The following FAM13B variants were observed in gnomAD, a reference collection of about 807,000 sequenced individuals.
The protein encoded by FAM13B is family with sequence similarity 13 member B, also known as protein FAM13B.
In FAM13B, 60 loss-of-function variants were observed where a neutral mutation model predicts 117.3. The ratio of observed to expected loss-of-function variants is 0.51; its 90% confidence interval spans 0.42 to 0.63. The LOEUF (loss-of-function observed/expected upper bound fraction) is 0.63, where lower values mean the gene tolerates loss of function less well. FAM13B is among the 30% of genes least tolerant of loss of function. The pLI is 0.00. For missense variants in FAM13B, 972 were observed against 1,091.9 expected (o/e 0.89, Z 1.55); for synonymous variants, 332 against 356.1 (o/e 0.93, Z 0.76).
Position 137,943,128 on chromosome 5 carries a change from A to G in FAM13B, c.2424+5T>C. On this transcript the variant is annotated splice_donor_5th_base_variant and intron_variant, in intron 21 of 23. Coordinates refer to ENST00000689681, the MANE Select transcript of FAM13B (RefSeq NM_001385994.1). Reference sequence around the variant, plus strand: ...GATCAGATAATTATTTCTTTAAAGGATTACCTTGATTTCTTCAAAAAAATG... The same window carrying G: ...GATCAGATAATTATTTCTTTAAAGGGTTACCTTGATTTCTTCAAAAAAATG... 1 of 1,613,868 alleles carries G rather than the reference A, an allele frequency of 6.2e-7. No individual in the cohort carries two copies. The highest frequency in any genetic ancestry group is 1.7e-5 in the Admixed American group (1 of 59,994).
chr5:138,007,291 GTAAC>G (rs1321119593), intron 6 of FAM13B, 144 bp from the exon 7 acceptor site: 6 of 601,450 alleles, frequency 1.0e-5, no homozygotes, highest in Admixed American at 3.7e-5. Flanking sequence ...TATGGAGTAA[GTAAC>G]TGTCAACTTT....
chr5:138,020,602 AAAAG>A (rs200980581), intron 2 of FAM13B, among the ~76,000 whole-genome samples: 2,212 of 152,354 alleles, frequency 0.015, 23 homozygotes, highest in Non-Finnish European at 0.021. Context: ...GAGTATTTGT[AAAAG>A]AAAGAAAAAC....
intron 7 of FAM13B, among the ~76,000 whole-genome samples, chr5:138,000,234 C>T (rs1212214003): frequency 6.6e-6 from 1 of 151,944 alleles, no homozygotes; most frequent in African/African-American, 2.4e-5. Flanking sequence ...CTTGTATTTA[C>T]AACAAATATA....
At chr5:137,944,690 G>A (rs915834872) in intron 20 of FAM13B, among the ~76,000 whole-genome samples, 15 of 151,682 alleles carry the variant, frequency 9.9e-5, no homozygotes, top group East Asian at 1.9e-4. Context: ...CCCGGGAGGC[G>A]GAGGTTGCAG....
At chr5:137,962,297 C>G in intron 11 of FAM13B, 108 bp downstream of exon 11, 1 of 842,960 alleles carries the variant, frequency 1.2e-6, no homozygotes. Context: ...TTAAGATTAT[C>G]TAAACTATAT....
chr5:137,940,248 G>A lies in FAM13B; in HGVS notation c.2791C>T (p.Gln931Ter). ...TCTTATATGGATTTTGAAGAATCTT[G>A]TTTGCTTATAAGAACTTCAAGAAGC... ...LRLLEVLISKQDSSKSI is the reference protein window; with the variant it reads ...LRLLEVLISK The change falls in exon 24 of 24, where the codon CAA becomes TAA. Residue 931 changes from glutamine to a stop codon, truncating the protein, a stop_gained. Transcript: ENST00000689681. LOFTEE classifies it high-confidence loss of function. 1 of 1,613,870 alleles carries A rather than the reference G, an allele frequency of 6.2e-7. No individual in the cohort carries two copies. The highest frequency in any genetic ancestry group is 8.5e-7 in the Non-Finnish European group (1 of 1,179,884).
At chr5:138,048,973 A>C in intron 1 of FAM13B, among the ~76,000 whole-genome samples, 2 of 131,856 alleles carry the variant, frequency 1.5e-5, no homozygotes, top group African/African-American at 5.7e-5. Context: ...AGGCGAAGTC[A>C]CTCCTTTGCT....
rs187331921 is a variant in FAM13B at position 137,945,932 on chromosome 5, C to G, written c.2310G>C (p.Met770Ile). 5.0e-6 allele frequency: 8 copies of G among 1,613,174 alleles called. No homozygotes were observed. In the African/African-American group the frequency reaches 1.1e-4, roughly 22 times the overall value. ...LYDRYRLVKQMLTRASITPVL... is the reference protein window; with the variant it reads ...LYDRYRLVKQILTRASITPVL... Reference sequence around the variant, plus strand: ...CAGGAGTGATGCTAGCTCTTGTCAGCATTTGTTTTACAAGCCTGTATCTAT... The same window carrying G: ...CAGGAGTGATGCTAGCTCTTGTCAGGATTTGTTTTACAAGCCTGTATCTAT... Residue 770 changes from methionine (M) to isoleucine (I), a missense_variant, in exon 20 of 24, where the codon ATG (methionine) becomes ATC (isoleucine). Physicochemically the swap from Met to Ile is conservative, Grantham distance 10 (BLOSUM62 1). Coordinates refer to ENST00000689681, the MANE Select transcript of FAM13B (RefSeq NM_001385994.1).
At chr5:137,996,566 C>T (rs1779913875) in intron 7 of FAM13B, among the ~76,000 whole-genome samples, 1 of 152,074 alleles carries the variant, frequency 6.6e-6, no homozygotes, top group East Asian at 1.9e-4. Flanking sequence ...CTAACATCAG[C>T]AACCCACAAA....
intron 10 of FAM13B, among the ~76,000 whole-genome samples, chr5:137,970,137 C>T (rs1771605058): frequency 6.6e-6 from 1 of 151,842 alleles, no homozygotes; most frequent in South Asian, 2.1e-4. Context: ...TCGAGAAGAG[C>T]AACACCAAGA....
rs1286968440 is a variant in FAM13B, at chr5:137,939,035, T to C, written c.*1190A>G. The C allele has an allele frequency of 6.6e-6, 1 of 151,926 alleles. No individual in the cohort carries two copies. Among genetic ancestry groups the C allele is most frequent in the Non-Finnish European group, 1.5e-5 (1 of 67,960 alleles). 9.4% of individuals were successfully genotyped at this position (151,926 alleles called of 1,614,324 possible). On this transcript the variant is annotated 3_prime_UTR_variant, in exon 24 of 24. Transcript: ENST00000689681. Reference sequence around the variant, plus strand: ...GATTAGCAGAATGATACCGAGACAGTACCTGAAGAAAAGCCATGCAAAGCC... The same window carrying C: ...GATTAGCAGAATGATACCGAGACAGCACCTGAAGAAAAGCCATGCAAAGCC...
At chr5:137,965,393 C>A (rs1247187242) in intron 10 of FAM13B, among the ~76,000 whole-genome samples, 1 of 152,116 alleles carries the variant, frequency 6.6e-6, no homozygotes, top group Non-Finnish European at 1.5e-5. Context: ...TTAGCAATAT[C>A]TTAGGAGCTA....
chr5:137,957,099 G>T (rs939693384), intron 13 of FAM13B, among the ~76,000 whole-genome samples: 3 of 152,178 alleles, frequency 2.0e-5, no homozygotes, highest in African/African-American at 7.2e-5. Flanking sequence ...CAGAAACTAT[G>T]TACTTAGGAA....
chr5:137,958,064 A>G (rs1767098836), intron 13 of FAM13B, among the ~76,000 whole-genome samples: 1 of 152,268 alleles, frequency 6.6e-6, no homozygotes, highest in Non-Finnish European at 1.5e-5. Flanking sequence ...AAGAAACAAA[A>G]GTGCTTTATC....
intron 4 of FAM13B, among the ~76,000 whole-genome samples, chr5:138,017,488 T>C (rs778427267): frequency 4.6e-5 from 7 of 152,158 alleles, no homozygotes; most frequent in Non-Finnish European, 8.8e-5. Flanking sequence ...AAAAAATAAA[T>C]GAACTCCATA....
intron 1 of FAM13B, among the ~76,000 whole-genome samples, chr5:138,027,084 G>A (rs1788630704): frequency 6.6e-6 from 1 of 152,102 alleles, no homozygotes; most frequent in Non-Finnish European, 1.5e-5. Context: ...GTAGCGAGCT[G>A]TGACTGCACC....
intron 1 of FAM13B, chr5:138,051,833 C>T (rs1195226452): frequency 6.6e-6 from 1 of 152,168 alleles, no homozygotes; most frequent in African/African-American, 2.4e-5. Flanking sequence ...TACCAAAAAG[C>T]TTCATTTTAC....
At chr5:137,977,101 C>A (rs559692191) in intron 10 of FAM13B, among the ~76,000 whole-genome samples, 128 of 152,248 alleles carry the variant, frequency 8.4e-4, no homozygotes, top group African/African-American at 2.9e-3. Flanking sequence ...TCTGAAATGG[C>A]CTCCTTGGGT....
intron 1 of FAM13B, among the ~76,000 whole-genome samples, chr5:138,026,423 C>T (rs569611458): frequency 4.6e-5 from 7 of 151,924 alleles, no homozygotes; most frequent in Non-Finnish European, 5.9e-5. Flanking sequence ...CTCCAGAGTT[C>T]GAGACCAGCC....
Sources: allele counts gnomAD v4.1 joint callset (sites outside exome capture counted in the v4.1 genomes callset), GRCh38; gene constraint gnomAD v4.1.1; transcripts MANE v1.5; gene names NCBI Gene and HGNC (gene_info 2026-07-23, HGNC 2026-07-21).